ADGRL3: variants seen among roughly 807,000 people sequenced by gnomAD.
The protein encoded by ADGRL3 is calcium-independent alpha-latrotoxin receptor 3.
In ADGRL3, 62 loss-of-function variants were observed where a neutral mutation model predicts 153.5. The observed-to-expected ratio is 0.40, with a 90% CI of 0.33 to 0.50. ADGRL3 has a LOEUF of 0.50. Among genes scored for constraint, ADGRL3 ranks in the 20% least tolerant of loss-of-function variants. The pLI is 0.47. For missense variants in ADGRL3, 1,641 were observed against 1,859.4 expected, an observed-to-expected ratio of 0.88 and a Z score of 2.16; for synonymous variants, 710 against 672.5, an observed-to-expected ratio of 1.06 and a Z score of -0.86.
intron 2 of ADGRL3, among the ~76,000 whole-genome samples, chr4:61,413,215 G>A (rs1279445799): frequency 2.6e-5 from 4 of 152,280 alleles, no homozygotes; most frequent in African/African-American, 9.6e-5. Context: ...GGCCTCTACT[G>A]ATGCTGCCCT....
rs114441105 is a variant in ADGRL3 at position 61,398,189 on chromosome 4, T to G, written c.-174+15000T>G. Among the ~76,000 whole-genome samples, 1,171 of 151,888 alleles carry G rather than the reference T, an allele frequency of 7.7e-3. 23 individuals are homozygous for G. Among genetic ancestry groups the G allele is most frequent in the African/African-American group, 0.027 (1,104 of 41,486 alleles). On this transcript the variant is annotated intron_variant, in intron 2 of 26. Transcript: ENST00000683033. ...ATGTTCAAGAATTAAGAATAAGAAA[T>G]AGTTGAAAGAAATATGATTAAAGAG...
intron 4 of ADGRL3, among the ~76,000 whole-genome samples, chr4:61,584,184 C>T (rs974180973): frequency 6.6e-6 from 1 of 151,914 alleles, no homozygotes; most frequent in African/African-American, 2.4e-5. Context: ...TAATTTCCAG[C>T]CATACATTCC....
intron 1 of ADGRL3, among the ~76,000 whole-genome samples, chr4:61,275,167 A>C (rs1467977040): frequency 6.6e-6 from 1 of 152,172 alleles, no homozygotes; most frequent in African/African-American, 2.4e-5. Context: ...CAACTGGAAC[A>C]AGGTAATTTT....
chr4:62,018,839 G>A (rs1442972674), intron 21 of ADGRL3, among the ~76,000 whole-genome samples: 1 of 152,102 alleles, frequency 6.6e-6, no homozygotes, highest in Non-Finnish European at 1.5e-5. Context: ...TAAACAGAAG[G>A]TGGTTGATGT....
At chr4:61,300,085 T>C (rs72614717) in intron 1 of ADGRL3, among the ~76,000 whole-genome samples, 18,895 of 152,184 alleles carry the variant, frequency 0.12, 1,399 homozygotes, top group South Asian at 0.27. Flanking sequence ...TTCTTGTATT[T>C]TACTTATTGA....
intron 9 of ADGRL3, among the ~76,000 whole-genome samples, chr4:61,872,273 T>A (rs1292387917): frequency 6.6e-6 from 1 of 152,134 alleles, no homozygotes; most frequent in Non-Finnish European, 1.5e-5. Flanking sequence ...TACATAGACA[T>A]ATTAAGTACA....
At chr4:61,979,447 G>A (rs745857214) in intron 17 of ADGRL3, 116 bp from the exon 18 acceptor site, 3 of 810,706 alleles carry the variant, frequency 3.7e-6, no homozygotes, top group Non-Finnish European at 6.4e-6. Context: ...TTCATTGTGG[G>A]TATAGAGGGT....
chr4:61,768,394 C>A lies in ADGRL3; in HGVS notation c.1399+34840C>A, dbSNP rs189339288. Among the ~76,000 whole-genome samples, 541 of 151,846 alleles carry A rather than the reference C, an allele frequency of 3.6e-3. 12 individuals carry two copies. The highest frequency in any genetic ancestry group is 0.013 in the African/African-American group (517 of 41,318). On this transcript the variant is annotated intron_variant, in intron 8 of 26. Transcript: ENST00000683033. ...AAGGAAGATTAGAAAGACTCAGCGACGCTTGGGGTCGGTACTGAGGGGACA... is the reference window on the plus strand; with the variant it reads ...AAGGAAGATTAGAAAGACTCAGCGAAGCTTGGGGTCGGTACTGAGGGGACA...
At chr4:61,698,963 C>A (rs1297171255) in intron 6 of ADGRL3, among the ~76,000 whole-genome samples, 2 of 152,214 alleles carry the variant, frequency 1.3e-5, no homozygotes, top group African/African-American at 4.8e-5. Context: ...CATTAGTGTG[C>A]TTCTTCCTCT....
At chr4:61,242,584 A>G (rs1288922139) in intron 1 of ADGRL3, among the ~76,000 whole-genome samples, 1 of 152,068 alleles carries the variant, frequency 6.6e-6, no homozygotes, top group Non-Finnish European at 1.5e-5. Context: ...AACGAAAACC[A>G]GTCTTTGGGT....
chr4:61,659,264 C>T (rs527742937), intron 5 of ADGRL3, among the ~76,000 whole-genome samples: 10 of 152,234 alleles, frequency 6.6e-5, no homozygotes, highest in African/African-American at 1.7e-4. Context: ...TTCTGAGGTC[C>T]TGGAGGTTAG....
chr4:61,263,915 G>C (rs974090427), intron 1 of ADGRL3, among the ~76,000 whole-genome samples: 36 of 150,374 alleles, frequency 2.4e-4, no homozygotes, highest in African/African-American at 8.8e-4. Flanking sequence ...TTTTCATTTC[G>C]TTCCAGGTTA....
At chr4:61,406,143 C>A (rs572757916) in intron 2 of ADGRL3, among the ~76,000 whole-genome samples, 2 of 151,790 alleles carry the variant, frequency 1.3e-5, no homozygotes, top group South Asian at 4.2e-4. Context: ...TCTGTGAGAA[C>A]AGATTCTGTG....
At chr4:61,908,478 T>C (rs1215468164) in intron 11 of ADGRL3, among the ~76,000 whole-genome samples, 1 of 151,804 alleles carries the variant, frequency 6.6e-6, no homozygotes, top group Non-Finnish European at 1.5e-5. Context: ...GCGCCTGTAA[T>C]CCCAGCTACT....
At chr4:61,641,155 G>T (rs1488478846) in intron 5 of ADGRL3, among the ~76,000 whole-genome samples, 1 of 151,856 alleles carries the variant, frequency 6.6e-6, no homozygotes, top group Non-Finnish European at 1.5e-5. Context: ...ATAGGAATAA[G>T]AATAATAATA....
intron 5 of ADGRL3, among the ~76,000 whole-genome samples, chr4:61,637,720 C>A (rs550382510): frequency 7.2e-5 from 11 of 152,158 alleles, no homozygotes; most frequent in Non-Finnish European, 1.5e-4. Flanking sequence ...AAGATCATGC[C>A]ACTGCACTCC....
chr4:61,925,899 A>G (rs1394207582), intron 13 of ADGRL3, among the ~76,000 whole-genome samples: 1 of 152,222 alleles, frequency 6.6e-6, no homozygotes, highest in African/African-American at 2.4e-5. Context: ...CCATACAATT[A>G]TAGTCATGCA....
rs2098409487 is a variant in ADGRL3, at chr4:61,867,536, A to ATATATATATATATATATATATATATG, written c.1481-25116_1481-25115insTATATATATATATATATATATGTATA. ...TATGCATATATATATATATATATAT[A>ATATATATATATATATATATATATATG]TATAATTGTAGGAGAGAAAAGATTT... On this transcript the variant is annotated intron_variant, in intron 9 of 26. Transcript: ENST00000683033. Among the ~76,000 whole-genome samples the ATATATATATATATATATATATATATG allele has an allele frequency of 1.4e-5, 2 of 137,980 alleles. 1 individual carries two copies. Among genetic ancestry groups the ATATATATATATATATATATATATATG allele is most frequent in the Non-Finnish European group, 3.2e-5 (2 of 62,702 alleles). 90.5% of individuals were successfully genotyped at this position (137,980 alleles called of 152,430 possible). A position where few individuals can be genotyped will look rare whatever the true frequency, so the allele number is the denominator to read the frequency against.
intron 8 of ADGRL3, among the ~76,000 whole-genome samples, chr4:61,764,138 T>G (rs2343579): frequency 0.58 from 88,127 of 151,996 alleles, 27,978 homozygotes; most frequent in African/African-American, 0.83. Flanking sequence ...AACCATTACA[T>G]AATTTTATAA....
Sources: allele counts gnomAD v4.1 joint callset (sites outside exome capture counted in the v4.1 genomes callset), GRCh38; gene constraint gnomAD v4.1.1; transcripts MANE v1.5; gene names NCBI Gene and HGNC (gene_info 2026-07-23, HGNC 2026-07-21).